SLC25A17: variants seen among roughly 807,000 people sequenced by gnomAD.
SLC25A17 encodes the protein peroxisomal membrane protein PMP34.
A neutral mutation model predicts 38.5 loss-of-function variants in SLC25A17; 26 were observed. That is an observed-to-expected ratio of 0.68 (90% CI 0.50 to 0.94). The LOEUF (loss-of-function observed/expected upper bound fraction) is 0.94. SLC25A17 is among the 40% of genes least tolerant of loss of function. SLC25A17 has a pLI of 0.00. For synonymous variants in SLC25A17, 139 were observed against 136.2 expected (o/e 1.02, Z -0.14); for missense variants, 333 against 372.7 (o/e 0.89, Z 0.88).
intron 1 of SLC25A17, among the ~76,000 whole-genome samples, chr22:40,802,887 A>G (rs1470414646): frequency 6.6e-6 from 1 of 152,208 alleles, no homozygotes; most frequent in Admixed American, 6.5e-5. Context: ...TTATTTATTT[A>G]TAAGTGCCAT....
At chr22:40,799,106 TTACA>T in intron 1 of SLC25A17, 23 bp from the exon 2 acceptor site, 1 of 1,597,422 alleles carries the variant, frequency 6.3e-7, no homozygotes, top group South Asian at 1.1e-5. Flanking sequence ...AAAAAGGCCA[TTACA>T]GCATCACAAA....
At chr22:40,790,276 G>A (rs958504270) in intron 4 of SLC25A17, among the ~76,000 whole-genome samples, 2 of 147,478 alleles carry the variant, frequency 1.4e-5, no homozygotes, top group Admixed American at 6.9e-5. Flanking sequence ...AGGAGGTGGA[G>A]GTTGCAGCAA....
chr22:40,777,292 T>C lies in SLC25A17; in HGVS notation c.533A>G (p.Asn178Ser), dbSNP rs746785049. The C allele has an allele frequency of 1.5e-5, 25 of 1,614,252 alleles. No individual in the cohort carries two copies. In the East Asian group the frequency reaches 4.5e-4, roughly 29 times the overall value. The change falls in exon 6 of 9, where the codon AAT becomes AGT. Residue 178 changes from asparagine to serine, a missense_variant. Transcript: ENST00000435456. ...ATAAAACATGAACTGGATGGCAGGA[T>C]TGAAGACCAACAGCAATGAGGGAAA... is the stretch of plus-strand genomic sequence containing the variant. Reference protein sequence around the residue: ...GTFPSLLLVFNPAIQFMFYEG... With the variant: ...GTFPSLLLVFSPAIQFMFYEG...
intron 1 of SLC25A17, 86 bp downstream of exon 1, chr22:40,819,107 TCA>T: frequency 7.0e-7 from 1 of 1,424,316 alleles, no homozygotes; most frequent in Non-Finnish European, 9.8e-7. Context: ...TACCTCCCTC[TCA>T]GACCCATCCC....
chr22:40,780,481 T>C (rs955710061), intron 4 of SLC25A17, among the ~76,000 whole-genome samples: 3 of 152,222 alleles, frequency 2.0e-5, no homozygotes, highest in African/African-American at 7.2e-5. Flanking sequence ...TCTCATTTTT[T>C]CAAAAGCACC....
intron 4 of SLC25A17, chr22:40,788,786 AT>A: frequency 4.1e-6 from 1 of 246,580 alleles, no homozygotes; most frequent in Non-Finnish European, 8.6e-6. Flanking sequence ...ATCAGTGGCC[AT>A]TCATTATTTT....
chr22:40,791,543 CA>C (rs1190920987), intron 4 of SLC25A17, among the ~76,000 whole-genome samples: 3 of 151,888 alleles, frequency 2.0e-5, no homozygotes, highest in Admixed American at 1.3e-4. Flanking sequence ...AACTTCAGAG[CA>C]AAAAAATGTA....
At chr22:40,779,967 C>T (rs939475420) in intron 4 of SLC25A17, 5 of 152,206 alleles carry the variant, frequency 3.3e-5, no homozygotes, top group African/African-American at 4.8e-5. Context: ...ACTTTATAAA[C>T]ATTTGTTAAA....
intron 1 of SLC25A17, among the ~76,000 whole-genome samples, chr22:40,800,376 G>C (rs969474327): frequency 1.3e-5 from 2 of 151,940 alleles, no homozygotes; most frequent in African/African-American, 4.8e-5. Context: ...TCTAATAATG[G>C]TTACAAAAAA....
chr22:40,778,726 G>A (rs1398313680), intron 5 of SLC25A17, among the ~76,000 whole-genome samples: 1 of 152,100 alleles, frequency 6.6e-6, no homozygotes, highest in Non-Finnish European at 1.5e-5. Flanking sequence ...ATAGACAAAT[G>A]GGATCTAATT....
At chr22:40,780,323 A>G (rs1180885349) in intron 4 of SLC25A17, 2 of 152,262 alleles carry the variant, frequency 1.3e-5, no homozygotes, top group Admixed American at 1.3e-4. Context: ...GGCATCACCT[A>G]ATAATTTTAT....
Position 40,777,292 on chromosome 22 carries a change from T to A in SLC25A17, c.533A>T (p.Asn178Ile), listed in dbSNP as rs746785049. The A allele has an allele frequency of 7.4e-6, 12 of 1,614,252 alleles. No individual in the cohort carries two copies. The highest frequency in any genetic ancestry group is 1.0e-5 in the Non-Finnish European group (12 of 1,180,042). ...ATAAAACATGAACTGGATGGCAGGATTGAAGACCAACAGCAATGAGGGAAA... is the reference window on the plus strand; with the variant it reads ...ATAAAACATGAACTGGATGGCAGGAATGAAGACCAACAGCAATGAGGGAAA... ...GTFPSLLLVFNPAIQFMFYEG... is the reference protein window; with the variant it reads ...GTFPSLLLVFIPAIQFMFYEG... Residue 178 changes from asparagine (N) to isoleucine (I), a missense_variant, in exon 6 of 9, where the codon AAT becomes ATT. Transcript: ENST00000435456.
chr22:40,811,258 T>TG (rs2057577968), intron 1 of SLC25A17, among the ~76,000 whole-genome samples: 4 of 70,778 alleles, frequency 5.7e-5, no homozygotes, highest in African/African-American at 3.1e-4. Flanking sequence ...TTTTAATTTT[T>TG]GTTTTTTTTT....
In SLC25A17 at chr22:40,784,784, CAAAAAAAA is replaced by C. The variant is rs71200616; in HGVS notation, c.335-5667_335-5660del. ...GAGCAAGACCCTATCTCAACAACAA[CAAAAAAAA>C]AAAAAAAAAAAAAGAAAAGGAAAAA... On this transcript the variant is annotated intron_variant, in intron 4 of 8. Coordinates refer to ENST00000435456, the MANE Select transcript of SLC25A17 (RefSeq NM_006358.4). Among the ~76,000 whole-genome samples, 405 of 96,376 alleles carry C rather than the reference CAAAAAAAA, an allele frequency of 4.2e-3. 2 individuals are homozygous for C. Among genetic ancestry groups the C allele is most frequent in the South Asian group, 0.018 (55 of 2,990 alleles). The allele number at this position is 96,376 out of a possible 152,430, so 63.2% of individuals were successfully genotyped here. A position where few individuals can be genotyped will look rare whatever the true frequency, so the allele number is the denominator to read the frequency against.
In SLC25A17 at chr22:40,770,875, T is replaced by C. The variant is rs771606473; in HGVS notation, c.883A>G (p.Thr295Ala). 1.2e-6 allele frequency: 2 copies of C among 1,613,466 alleles called. No individual in the cohort carries two copies. The highest frequency in any genetic ancestry group is 1.1e-5 in the South Asian group (1 of 91,028). Residue 295 changes from threonine to alanine, a missense_variant, in exon 9 of 9, where the codon ACC becomes GCC. Thr to Ala is a moderately conservative substitution (Grantham distance 58). Transcript: ENST00000435456. ...FLVYEKLTAA[T>A]FTVMGLKRAH... ...CGCTTCAGCCCCATAACTGTGAAGGTGGCAGCTGTCAGTTTCTCATAAACA... is the reference window on the plus strand; with the variant it reads ...CGCTTCAGCCCCATAACTGTGAAGGCGGCAGCTGTCAGTTTCTCATAAACA...
At chr22:40,818,278 C>G (rs1295229056) in intron 1 of SLC25A17, among the ~76,000 whole-genome samples, 1 of 152,058 alleles carries the variant, frequency 6.6e-6, no homozygotes, top group Non-Finnish European at 1.5e-5. Flanking sequence ...AGGAGTCACC[C>G]AAGCCAAAAG....
In SLC25A17 at chr22:40,794,546, CAT is replaced by C. The variant is rs1233054887; in HGVS notation, c.148_149del (p.Met50GlyfsTer7). ...DEKRKSKTTH[M>X]VLLEIIKEEG... ...CTTCTTTAATGATCTCCAGGAGCACCATGTGTGTAGTTTTGGATTTTCTTTTC... is the reference window on the plus strand; with the variant it reads ...CTTCTTTAATGATCTCCAGGAGCACCGTGTGTAGTTTTGGATTTTCTTTTC... On this transcript the variant is annotated frameshift_variant, in exon 3 of 9. Transcript: ENST00000435456. LOFTEE classifies it high-confidence loss of function. The C allele has an allele frequency of 1.7e-5, 27 of 1,611,942 alleles. No homozygotes were observed. Among genetic ancestry groups the C allele is most frequent in the Non-Finnish European group, 2.2e-5 (26 of 1,178,252 alleles).
chr22:40,814,559 T>C (rs1162497971), intron 1 of SLC25A17, among the ~76,000 whole-genome samples: 1 of 152,022 alleles, frequency 6.6e-6, no homozygotes, highest in Non-Finnish European at 1.5e-5. Flanking sequence ...GAGAACTCCA[T>C]GTAACTTGTC....
chr22:40,814,083 C>T (rs2057610090), intron 1 of SLC25A17: 1 of 152,174 alleles, frequency 6.6e-6, no homozygotes, highest in Non-Finnish European at 1.5e-5. Flanking sequence ...AAAAAGACTC[C>T]TATCTTTCAT....
Sources: allele counts gnomAD v4.1 joint callset (sites outside exome capture counted in the v4.1 genomes callset), GRCh38; gene constraint gnomAD v4.1.1; transcripts MANE v1.5; gene names NCBI Gene and HGNC (gene_info 2026-07-23, HGNC 2026-07-21).